SNTG1: variants seen among roughly 807,000 people sequenced by gnomAD.
SNTG1 encodes syntrophin gamma 1, also known as gamma-1-syntrophin.
In SNTG1, 39 loss-of-function variants were observed where a neutral mutation model predicts 74.7. That is an observed-to-expected ratio of 0.52 (90% confidence interval 0.40 to 0.68). The LOEUF is 0.68. Among genes scored for constraint, SNTG1 ranks in the 30% least tolerant of loss-of-function variants. SNTG1 has a pLI of 0.00. For synonymous variants in SNTG1, 254 were observed against 217.1 expected (o/e 1.17, Z -1.49); for missense variants, 685 against 609.5 (o/e 1.12, Z -1.30).
chr8:49,915,619 T>C (rs1190399860), intron 1 of SNTG1, among the ~76,000 whole-genome samples: 1 of 152,212 alleles, frequency 6.6e-6, no homozygotes, highest in Admixed American at 6.5e-5. Context: ...ATTTTGACCT[T>C]CAAAGAATCT....
intron 2 of SNTG1, among the ~76,000 whole-genome samples, chr8:50,292,737 T>C (rs2089176646): frequency 6.6e-6 from 1 of 152,160 alleles, no homozygotes; most frequent in South Asian, 2.1e-4. Context: ...AATGTGCTCC[T>C]TGTGAAAGGA....
chr8:50,146,289 G>A (rs537869563), intron 1 of SNTG1, among the ~76,000 whole-genome samples: 14 of 152,074 alleles, frequency 9.2e-5, no homozygotes, highest in South Asian at 4.2e-4. Context: ...AGGCCGAGGC[G>A]GGTGGATCAC....
chr8:50,437,821 A>G (rs1467466225), intron 4 of SNTG1, among the ~76,000 whole-genome samples: 1 of 152,182 alleles, frequency 6.6e-6, no homozygotes, highest in Non-Finnish European at 1.5e-5. Context: ...TCGATTTTTC[A>G]AATTGAAAAT....
intron 1 of SNTG1, among the ~76,000 whole-genome samples, chr8:50,017,198 A>G (rs1816405874): frequency 6.6e-6 from 1 of 152,042 alleles, no homozygotes; most frequent in African/African-American, 2.4e-5. Context: ...TTTGTTACTC[A>G]TTTCTTGTTC....
At position 50,170,242 on chromosome 8, in the gene SNTG1, A is replaced by T. The variant is rs2082760124; in HGVS notation, c.-102-2319A>T. 2.0e-5 allele frequency among the ~76,000 whole-genome samples: 3 copies of T among 151,910 alleles called. 1 individual carries two copies. Among genetic ancestry groups the T allele is most frequent in the Admixed American group, 2.0e-4 (3 of 15,228 alleles). On this transcript the variant is annotated intron_variant, in intron 1 of 18. Coordinates refer to ENST00000642720, the MANE Select transcript of SNTG1 (RefSeq NM_018967.5). ...CATTGGTCCTTTGGAACAAGGTTAC[A>T]TTTTTTTTAATTCAAGAGGCTTAAT...
At chr8:50,202,194 C>CT (rs1181256827) in intron 2 of SNTG1, among the ~76,000 whole-genome samples, 2 of 152,158 alleles carry the variant, frequency 1.3e-5, no homozygotes, top group African/African-American at 2.4e-5. Context: ...CCCAATCCTC[C>CT]TTTTTTTAAA....
intron 1 of SNTG1, among the ~76,000 whole-genome samples, chr8:50,013,360 C>G (rs1369281392): frequency 6.6e-6 from 1 of 152,006 alleles, no homozygotes; most frequent in East Asian, 1.9e-4. Flanking sequence ...AAATTCAATT[C>G]TCTGTGAAAG....
chr8:50,337,831 A>C (rs111433720), intron 2 of SNTG1, among the ~76,000 whole-genome samples: 243 of 152,338 alleles, frequency 1.6e-3, no homozygotes, highest in Non-Finnish European at 2.7e-3. Flanking sequence ...TGAGGATATA[A>C]CTTTATTTAA....
At chr8:50,485,475 G>A (rs928102130) in intron 8 of SNTG1, among the ~76,000 whole-genome samples, 11 of 152,126 alleles carry the variant, frequency 7.2e-5, no homozygotes, top group Non-Finnish European at 1.3e-4. Flanking sequence ...CTTCTTTTGA[G>A]AAGTGTCTGT....
intron 17 of SNTG1, among the ~76,000 whole-genome samples, chr8:50,726,212 A>G (rs1296726852): frequency 2.0e-5 from 3 of 152,208 alleles, no homozygotes; most frequent in Non-Finnish European, 4.4e-5. Context: ...AAAGTCATTC[A>G]TAATCTTCTC....
At chr8:50,605,400 C>G (rs2130953633) in intron 13 of SNTG1, among the ~76,000 whole-genome samples, 1 of 152,300 alleles carries the variant, frequency 6.6e-6, no homozygotes, top group East Asian at 1.9e-4. Context: ...AGTGGTGAGG[C>G]TTGCCAAAAC....
At chr8:49,973,286 T>C (rs187094716) in intron 1 of SNTG1, among the ~76,000 whole-genome samples, 3 of 151,898 alleles carry the variant, frequency 2.0e-5, no homozygotes, top group South Asian at 4.2e-4. Context: ...CACCGCATGT[T>C]CTCACTCATA....
intron 2 of SNTG1, among the ~76,000 whole-genome samples, chr8:50,240,659 C>G (rs2129650803): frequency 6.6e-6 from 1 of 152,240 alleles, no homozygotes; most frequent in Admixed American, 6.5e-5. Flanking sequence ...TCCATCCTCC[C>G]CGACATTGTC....
intron 5 of SNTG1, among the ~76,000 whole-genome samples, chr8:50,440,294 C>T (rs2093346508): frequency 6.6e-6 from 1 of 151,832 alleles, no homozygotes; most frequent in Non-Finnish European, 1.5e-5. Flanking sequence ...CTCATTCATC[C>T]TAAAGAAATT....
chr8:50,688,756 A>C (rs1417141264), intron 15 of SNTG1, among the ~76,000 whole-genome samples: 1 of 152,082 alleles, frequency 6.6e-6, no homozygotes, highest in Non-Finnish European at 1.5e-5. Context: ...TTTTGGTTCC[A>C]TATGAACTTT....
At chr8:49,978,808 A>G (rs1394858112) in intron 1 of SNTG1, among the ~76,000 whole-genome samples, 5 of 152,202 alleles carry the variant, frequency 3.3e-5, no homozygotes, top group Non-Finnish European at 2.9e-5. Flanking sequence ...TGTTCATTTT[A>G]GAAATGAGGA....
chr8:50,041,016 C>T (rs1818593302), intron 1 of SNTG1, among the ~76,000 whole-genome samples: 1 of 152,152 alleles, frequency 6.6e-6, no homozygotes, highest in Admixed American at 6.5e-5. Flanking sequence ...CCTGCCTCAG[C>T]CTCCCAAGTA....
Position 50,070,736 on chromosome 8 carries a change from G to A in SNTG1, c.-102-101825G>A, listed in dbSNP as rs184092184. 7.2e-5 allele frequency among the ~76,000 whole-genome samples: 11 copies of A among 152,346 alleles called. No homozygotes were observed. In the East Asian group the frequency reaches 1.9e-3, roughly 27 times the overall value. ...AACACAGTACCCACGAAAGTGAGTG[G>A]TTTAAAACAGCCATCATTTTATTTT... On this transcript the variant is annotated intron_variant, in intron 1 of 18. Coordinates refer to ENST00000642720, the MANE Select transcript of SNTG1 (RefSeq NM_018967.5).
chr8:50,421,664 G>C (rs1033073571), intron 4 of SNTG1, among the ~76,000 whole-genome samples: 2 of 152,052 alleles, frequency 1.3e-5, no homozygotes, highest in Admixed American at 6.6e-5. Flanking sequence ...GAGTTGCTCT[G>C]TTTCAAACTC....
Sources: allele counts gnomAD v4.1 joint callset (sites outside exome capture counted in the v4.1 genomes callset), GRCh38; gene constraint gnomAD v4.1.1; transcripts MANE v1.5; gene names NCBI Gene and HGNC (gene_info 2026-07-23, HGNC 2026-07-21).